RASGRF1: variants seen among roughly 807,000 people sequenced by gnomAD.
The protein encoded by RASGRF1 is ras-specific guanine nucleotide-releasing factor 1.
In RASGRF1, 40 loss-of-function variants were observed where a neutral mutation model predicts 138.7. That is an observed-to-expected ratio of 0.29 (90% CI 0.22 to 0.38). The LOEUF (loss-of-function observed/expected upper bound fraction) is 0.38, where lower values mean the gene tolerates loss of function less well. RASGRF1 is among the 10% of genes least tolerant of loss of function. The pLI is 1.00. For missense variants in RASGRF1, 1,108 were observed against 1,650.4 expected (o/e 0.67, Z 5.69); for synonymous variants, 614 against 663.2 (o/e 0.93, Z 1.14).
At chr15:78,991,834 C>G (rs1269751428) in intron 20 of RASGRF1, 40 bp from the exon 21 acceptor site, 1 of 1,516,834 alleles carries the variant, frequency 6.6e-7, no homozygotes, top group African/African-American at 1.4e-5. Context: ...GAGTTAGGCC[C>G]ATGACGGACA....
At chr15:78,978,343 G>C (rs2055926241) in intron 24 of RASGRF1, 1 of 220,946 alleles carries the variant, frequency 4.5e-6, no homozygotes, top group African/African-American at 2.4e-5. Flanking sequence ...TCGTGCTTCA[G>C]CCTCCCAAGT....
intron 13 of RASGRF1, among the ~76,000 whole-genome samples, chr15:79,008,571 A>G (rs774841936): frequency 1.3e-5 from 2 of 152,238 alleles, no homozygotes; most frequent in Non-Finnish European, 2.9e-5. Context: ...GATTTCCTGG[A>G]CATGAAAAAC....
At chr15:78,982,851 G>A (rs750599630) in intron 23 of RASGRF1, among the ~76,000 whole-genome samples, 4 of 152,054 alleles carry the variant, frequency 2.6e-5, no homozygotes, top group Admixed American at 1.3e-4. Flanking sequence ...TTGTACTGTC[G>A]TATGGAAGAG....
In RASGRF1 at chr15:79,004,047, G is replaced by A. The variant is rs1398439741; in HGVS notation, c.2204C>T (p.Pro735Leu). ...CAGGGAGAGCTTCCGCCGGCGGCTC[G>A]GTGACGATGTCTTGGTGATGGACAG... Reference protein sequence around the residue: ...PPLSITKTSSPSRRRKLSLNI... With the variant: ...PPLSITKTSSLSRRRKLSLNI... The change falls in exon 15 of 27, where the codon CCG (proline) becomes CTG (leucine). Residue 735 changes from proline (P) to leucine (L), a missense_variant. This residue lies in a region of RASGRF1 where 686 missense variants were observed against 976.7 expected (regional missense o/e 0.70). Coordinates refer to ENST00000558480, the MANE Select transcript of RASGRF1 (RefSeq NM_001145648.3). 8.1e-6 allele frequency: 13 copies of A among 1,614,028 alleles called. No individual in the cohort carries two copies. Among genetic ancestry groups the A allele is most frequent in the South Asian group, 1.1e-5 (1 of 91,092 alleles).
At chr15:78,989,676 CT>C (rs2141654023) in intron 22 of RASGRF1, among the ~76,000 whole-genome samples, 1 of 152,268 alleles carries the variant, frequency 6.6e-6, no homozygotes, top group East Asian at 1.9e-4. Flanking sequence ...CAGCCAAAAC[CT>C]TAGGAGATTC....
chr15:79,076,871 AG>A (rs1169645447), intron 1 of RASGRF1, among the ~76,000 whole-genome samples: 1 of 152,236 alleles, frequency 6.6e-6, no homozygotes, highest in Admixed American at 6.5e-5. Flanking sequence ...GCCAGAGCAC[AG>A]GGTAGCCCTG....
rs747714701 is a variant in RASGRF1 at position 79,090,427 on chromosome 15, C to T, written c.72G>A (p.Thr24=). 6.2e-7 allele frequency: 1 copy of T among 1,613,312 alleles called. No individual in the cohort carries two copies. The highest frequency in any genetic ancestry group is 8.5e-7 in the Non-Finnish European group (1 of 1,179,984). ...SLGLLARKDG[T]RKGYLSKRSS... is the part of the protein sequence containing the mutation. The stretch of plus-strand genomic sequence containing the variant: ...TCCGCTTGCTCAGGTAGCCTTTGCG[C>T]GTGCCGTCCTTGCGCGCCAGCAGTC... The change falls in exon 1 of 27, where the codon ACG becomes ACA. Residue 24 remains threonine, a synonymous_variant. Coordinates refer to ENST00000558480, the MANE Select transcript of RASGRF1 (RefSeq NM_001145648.3).
chr15:79,084,945 A>G (rs2057960208), intron 1 of RASGRF1, among the ~76,000 whole-genome samples: 1 of 151,860 alleles, frequency 6.6e-6, no homozygotes, highest in Non-Finnish European at 1.5e-5. Flanking sequence ...GTTTTTTTTA[A>G]TCGTAAAGAC....
intron 1 of RASGRF1, among the ~76,000 whole-genome samples, chr15:79,071,526 A>AT (rs60329515): frequency 0.082 from 11,625 of 141,250 alleles, 1,499 homozygotes; most frequent in African/African-American, 0.28. Context: ...TGCCCGGCTA[A>AT]TTTTTTTTTT....
chr15:79,061,413 A>ATATAT (rs1567598878), intron 2 of RASGRF1, among the ~76,000 whole-genome samples: 20 of 117,044 alleles, frequency 1.7e-4, no homozygotes, highest in East Asian at 1.0e-3. Context: ...CTATCTTTAA[A>ATATAT]ATATATATAT....
intron 22 of RASGRF1, 85 bp downstream of exon 22, chr15:78,990,104 G>T (rs779926831): frequency 1.8e-6 from 2 of 1,123,164 alleles, no homozygotes; most frequent in Non-Finnish European, 2.7e-6. Flanking sequence ...TTCCAGCCAG[G>T]TGTATAGCCC....
intron 1 of RASGRF1, among the ~76,000 whole-genome samples, chr15:79,078,180 C>T (rs1215921774): frequency 1.7e-5 from 1 of 59,576 alleles, no homozygotes; most frequent in Non-Finnish European, 5.8e-5. Flanking sequence ...TGTGCACTTG[C>T]CCTGGCCCAG....
At chr15:79,039,774 T>C (rs1215455643) in intron 5 of RASGRF1, among the ~76,000 whole-genome samples, 1 of 152,148 alleles carries the variant, frequency 6.6e-6, no homozygotes, top group Non-Finnish European at 1.5e-5. Flanking sequence ...AACTACTGAT[T>C]TTTCTTTTTT....
intron 23 of RASGRF1, chr15:78,981,284 A>G (rs906442218): frequency 2.0e-5 from 3 of 152,242 alleles, no homozygotes; most frequent in Non-Finnish European, 1.5e-5. Context: ...ATCAGGCTGG[A>G]GCAGAGTTTC....
At chr15:79,040,179 A>G (rs963684202) in intron 5 of RASGRF1, among the ~76,000 whole-genome samples, 4 of 151,960 alleles carry the variant, frequency 2.6e-5, no homozygotes, top group Non-Finnish European at 5.9e-5. Context: ...TTCTCATTAA[A>G]TAGCAGCCCT....
At chr15:79,058,568 C>T in intron 2 of RASGRF1, 87 bp from the exon 3 acceptor site, 1 of 1,522,720 alleles carries the variant, frequency 6.6e-7, no homozygotes, top group South Asian at 1.2e-5. Context: ...GAGGGGCTCA[C>T]CCACCCACCT....
chr15:79,078,178 TG>T (rs1346498047), intron 1 of RASGRF1, among the ~76,000 whole-genome samples: 1 of 121,490 alleles, frequency 8.2e-6, no homozygotes, highest in Non-Finnish European at 2.0e-5. Flanking sequence ...TGTGTGCACT[TG>T]CCCTGGCCCA....
intron 14 of RASGRF1, 85 bp from the exon 15 acceptor site, chr15:79,004,260 G>T: frequency 1.4e-6 from 2 of 1,453,720 alleles, no homozygotes; most frequent in Non-Finnish European, 1.8e-6. Context: ...GGTGGGGCTC[G>T]GAGTGGCAGC....
rs751830879 is a variant in RASGRF1 at position 79,006,152 on chromosome 15, TC to T, written c.2075+33del. 6.2e-6 allele frequency: 10 copies of T among 1,612,686 alleles called. No homozygotes were observed. The Admixed American group carries it at 1.2e-4, about 19-fold the overall frequency. ...GTTTTCCTCCAAGGCTTGGAAGCTCTCCGGGCATGGGAGGAGGAGGGCACCT... is the reference window on the plus strand; with the variant it reads ...GTTTTCCTCCAAGGCTTGGAAGCTCTCGGGCATGGGAGGAGGAGGGCACCT... On this transcript the variant is annotated intron_variant, in intron 14 of 26. Coordinates refer to ENST00000558480, the MANE Select transcript of RASGRF1 (RefSeq NM_001145648.3). The surrounding 1 kb of genome is among the most constrained non-coding windows in gnomAD (Gnocchi z 4.0).
Sources: gnomAD v4.1 joint callset for allele counts (sites outside exome capture counted in the v4.1 genomes callset) on GRCh38, gnomAD v4.1.1 for gene constraint, gnomAD v4.1.1 regional missense constraint, Gnocchi (gnomAD v3.1) non-coding constraint, MANE v1.5 for transcripts, NCBI Gene and HGNC (gene_info 2026-07-23, HGNC 2026-07-21) for gene names.